The following FSTL4 variants were observed in gnomAD, a reference collection of about 807,000 sequenced individuals.
The protein encoded by FSTL4 is follistatin like 4.
A neutral mutation model predicts 78.2 loss-of-function variants in FSTL4; 28 were observed. The ratio of observed to expected loss-of-function variants is 0.36; its 90% CI spans 0.27 to 0.49. FSTL4 has a LOEUF of 0.49. Among genes scored for constraint, FSTL4 ranks in the 20% least tolerant of loss-of-function variants. The probability of loss-of-function intolerance (pLI) is 0.98; values close to 1 mark genes in which losing one functional copy is unlikely to be tolerated. For missense variants in FSTL4, 922 were observed against 1,084.9 expected (o/e 0.85, Z 2.11); for synonymous variants, 422 against 440.5 (o/e 0.96, Z 0.53).
At chr5:133,561,578 G>T (rs1759914548) in intron 3 of FSTL4, among the ~76,000 whole-genome samples, 1 of 152,180 alleles carries the variant, frequency 6.6e-6, no homozygotes, top group African/African-American at 2.4e-5. Context: ...AGGCCAATGT[G>T]CCAGGAGAAG....
intron 2 of FSTL4, among the ~76,000 whole-genome samples, chr5:133,567,541 C>T (rs1760054670): frequency 6.6e-6 from 1 of 152,200 alleles, no homozygotes; most frequent in African/African-American, 2.4e-5. Context: ...AGGTTGATGA[C>T]CCACCCTCTG....
At chr5:133,477,308 G>C (rs1338452707) in intron 3 of FSTL4, among the ~76,000 whole-genome samples, 2 of 152,184 alleles carry the variant, frequency 1.3e-5, no homozygotes, top group Non-Finnish European at 2.9e-5. Flanking sequence ...ATTTCTCACA[G>C]ATAACCAATA....
intron 3 of FSTL4, among the ~76,000 whole-genome samples, chr5:133,446,525 G>A (rs2127006807): frequency 6.6e-6 from 1 of 152,256 alleles, no homozygotes; most frequent in Non-Finnish European, 1.5e-5. Context: ...CTCCCAACTT[G>A]CTGACACTGG....
At chr5:133,561,940 G>T (rs1378076656) in intron 3 of FSTL4, among the ~76,000 whole-genome samples, 2 of 152,118 alleles carry the variant, frequency 1.3e-5, no homozygotes, top group Non-Finnish European at 2.9e-5. Flanking sequence ...CTGAAACAAG[G>T]CAACGCAACC....
At chr5:133,639,893 G>T in the FSTL4 span, among the ~76,000 whole-genome samples, 1 of 152,002 alleles carries the variant, frequency 6.6e-6, no homozygotes, top group African/African-American at 2.4e-5. Context: ...ACTGAGACAG[G>T]GACAATCTCC....
chr5:133,330,746 A>T (rs920474910), intron 4 of FSTL4, among the ~76,000 whole-genome samples: 5 of 152,232 alleles, frequency 3.3e-5, no homozygotes, highest in Non-Finnish European at 5.9e-5. Context: ...GCTTTACAAA[A>T]GATTTGCTAT....
At position 133,440,337 on chromosome 5, in the gene FSTL4, A is replaced by G. The variant is rs974234359; in HGVS notation, c.161-39351T>C. ...TGCCTCACCAAGCCTGTTTTTGGCA[A>G]GGGTTTGGACTTCAAGGCCCTTTCT... On this transcript the variant is annotated intron_variant, in intron 3 of 15. Transcript: ENST00000265342. This position sits in a 1 kb window ranked among gnomAD's most constrained non-coding sequence, Gnocchi z 4.1. 2.6e-5 allele frequency among the ~76,000 whole-genome samples: 4 copies of G among 152,146 alleles called. No individual in the cohort carries two copies. Among genetic ancestry groups the G allele is most frequent in the Non-Finnish European group, 5.9e-5 (4 of 68,008 alleles).
At chr5:133,732,120 G>C in the FSTL4 span, among the ~76,000 whole-genome samples, 1 of 152,196 alleles carries the variant, frequency 6.6e-6, no homozygotes, top group African/African-American at 2.4e-5. Context: ...TCAATCTAGA[G>C]CCAGGTATCT....
At chr5:133,212,615 C>T (rs2126775093) in intron 13 of FSTL4, among the ~76,000 whole-genome samples, 1 of 151,914 alleles carries the variant, frequency 6.6e-6, no homozygotes, top group Non-Finnish European at 1.5e-5. Flanking sequence ...CATGTGAGAC[C>T]CAATGGAAAG....
At chr5:133,431,941 T>C (rs1756948904) in intron 3 of FSTL4, among the ~76,000 whole-genome samples, 1 of 152,166 alleles carries the variant, frequency 6.6e-6, no homozygotes. Context: ...AACCATTTTA[T>C]ATAGAAGAAC....
chr5:133,513,117 G>A (rs1474902478), intron 3 of FSTL4, among the ~76,000 whole-genome samples: 1 of 152,084 alleles, frequency 6.6e-6, no homozygotes, highest in Non-Finnish European at 1.5e-5. Flanking sequence ...CACTGTGCCC[G>A]GCCTGGATAA....
At chr5:133,498,645 G>A (rs1233418764) in intron 3 of FSTL4, among the ~76,000 whole-genome samples, 3 of 151,690 alleles carry the variant, frequency 2.0e-5, no homozygotes, top group Non-Finnish European at 4.4e-5. Flanking sequence ...CTGAACCTGG[G>A]AGGTGGAGGT....
chr5:133,614,901 T>A (rs1159181701), upstream of FSTL4, among the ~76,000 whole-genome samples: 1 of 152,222 alleles, frequency 6.6e-6, no homozygotes, highest in Non-Finnish European at 1.5e-5. Flanking sequence ...ATTAATATAC[T>A]TTTACAAGAT....
At chr5:133,814,730 A>C in the FSTL4 span, among the ~76,000 whole-genome samples, 1 of 152,202 alleles carries the variant, frequency 6.6e-6, no homozygotes, top group African/African-American at 2.4e-5. Context: ...GCAAGCAGGG[A>C]TCAGAGGGTG....
the FSTL4 span, among the ~76,000 whole-genome samples, chr5:133,625,593 G>A: frequency 6.7e-6 from 1 of 148,488 alleles, no homozygotes; most frequent in Admixed American, 6.8e-5. Context: ...TCTCCATTGG[G>A]TTTTTGTTTT....
At chr5:133,354,636 G>A (rs1754904589) in intron 4 of FSTL4, among the ~76,000 whole-genome samples, 2 of 152,340 alleles carry the variant, frequency 1.3e-5, no homozygotes, top group African/African-American at 4.8e-5. Context: ...CTCAGAGAGT[G>A]GGCAAAGGGC....
At position 133,407,211 on chromosome 5, in the gene FSTL4, C is replaced by A. The variant is rs532406634; in HGVS notation, c.161-6225G>T. On this transcript the variant is annotated intron_variant, in intron 3 of 15. Coordinates refer to ENST00000265342, the MANE Select transcript of FSTL4 (RefSeq NM_015082.2). ...AGGAAGCCCTGCTTGGATCTGTGAACATCACAGGCCCAAACCCACTCCTTG... is the reference window on the plus strand; with the variant it reads ...AGGAAGCCCTGCTTGGATCTGTGAAAATCACAGGCCCAAACCCACTCCTTG... 2.0e-5 allele frequency among the ~76,000 whole-genome samples: 3 copies of A among 152,340 alleles called. No homozygotes were observed. In the South Asian group the frequency reaches 6.2e-4, roughly 32 times the overall value.
intron 6 of FSTL4, among the ~76,000 whole-genome samples, chr5:133,277,141 G>A (rs533233145): frequency 6.6e-6 from 1 of 152,098 alleles, no homozygotes; most frequent in Non-Finnish European, 1.5e-5. Context: ...GTGAAACCCT[G>A]TCTCTACTAA....
the FSTL4 span, among the ~76,000 whole-genome samples, chr5:133,699,811 G>A: frequency 6.7e-6 from 1 of 150,372 alleles, no homozygotes; most frequent in East Asian, 2.0e-4. Flanking sequence ...AACCCGGGAG[G>A]TGGAGCTTCC....
Sources: allele counts gnomAD v4.1 joint callset (sites outside exome capture counted in the v4.1 genomes callset), GRCh38; gene constraint gnomAD v4.1.1; non-coding constraint Gnocchi (gnomAD v3.1); transcripts MANE v1.5; gene names NCBI Gene and HGNC (gene_info 2026-07-23, HGNC 2026-07-21).